The following SH3BGRL2 variants were observed in gnomAD, a reference collection of about 807,000 sequenced individuals.
SH3BGRL2 encodes SH3 domain binding glutamate rich protein like 2.
In SH3BGRL2, 21 loss-of-function variants were observed where a neutral mutation model predicts 14.8. The ratio of observed to expected loss-of-function variants is 1.42; its 90% CI spans 1.01 to 2.05. The LOEUF is 2.05. Ranked by LOEUF, SH3BGRL2 falls within the 30% of genes most tolerant of loss-of-function variation. The probability of loss-of-function intolerance (pLI) is 0.00; values close to 1 mark genes in which losing one functional copy is unlikely to be tolerated. For synonymous variants in SH3BGRL2, 50 were observed against 47.8 expected (o/e 1.05, Z -0.19); for missense variants, 147 against 130.8 (o/e 1.12, Z -0.61).
the SH3BGRL2 span, chr6:79,575,227 C>T: frequency 1.3e-5 from 2 of 152,104 alleles, no homozygotes; most frequent in Admixed American, 6.5e-5. Context: ...GTAGAACTTT[C>T]GAACTTATTC....
At chr6:79,687,254 C>T (rs1417591881) in intron 2 of SH3BGRL2, among the ~76,000 whole-genome samples, 1 of 152,090 alleles carries the variant, frequency 6.6e-6, no homozygotes, top group Non-Finnish European at 1.5e-5. Flanking sequence ...TGTGGTTTCC[C>T]CTGCTGTGTT....
chr6:79,651,123 C>T (rs1769283558), intron 1 of SH3BGRL2, among the ~76,000 whole-genome samples: 1 of 152,072 alleles, frequency 6.6e-6, no homozygotes, highest in African/African-American at 2.4e-5. Context: ...CATTGTGTTG[C>T]AGAGTGGCAT....
At chr6:79,584,705 C>T in the SH3BGRL2 span, among the ~76,000 whole-genome samples, 19 of 152,160 alleles carry the variant, frequency 1.2e-4, no homozygotes, top group South Asian at 4.0e-3. Flanking sequence ...CGGATTGACA[C>T]CAAAATGAAG....
intron 1 of SH3BGRL2, among the ~76,000 whole-genome samples, chr6:79,659,862 G>A (rs1184447199): frequency 3.3e-5 from 5 of 152,088 alleles, no homozygotes. Context: ...CACATCCCTT[G>A]TAAGTTGGAT....
the SH3BGRL2 span, among the ~76,000 whole-genome samples, chr6:79,576,768 G>C: frequency 2.0e-5 from 3 of 152,246 alleles, no homozygotes; most frequent in African/African-American, 7.2e-5. Flanking sequence ...AACCCCAAAT[G>C]TTTCTTTGAT....
At chr6:79,631,715 C>T (rs1768829928) in intron 1 of SH3BGRL2, among the ~76,000 whole-genome samples, 1 of 152,200 alleles carries the variant, frequency 6.6e-6, no homozygotes, top group Non-Finnish European at 1.5e-5. Context: ...CAAATGCCCA[C>T]CCTGCGTGGC....
chr6:79,640,034 A>G (rs1769000498), intron 1 of SH3BGRL2, among the ~76,000 whole-genome samples: 1 of 152,158 alleles, frequency 6.6e-6, no homozygotes, highest in South Asian at 2.1e-4. Flanking sequence ...TTCTAGTTTT[A>G]GCTTAAGAAC....
At chr6:79,622,143 C>A in the SH3BGRL2 span, among the ~76,000 whole-genome samples, 1 of 152,130 alleles carries the variant, frequency 6.6e-6, no homozygotes, top group African/African-American at 2.4e-5. Flanking sequence ...TTGGAAATTT[C>A]TCAGATTTGA....
intron 2 of SH3BGRL2, among the ~76,000 whole-genome samples, chr6:79,686,948 T>C (rs1770109835): frequency 1.3e-5 from 2 of 152,108 alleles, no homozygotes; most frequent in Non-Finnish European, 2.9e-5. Context: ...TCCTTTCCAT[T>C]TTTCCCTTTC....
chr6:79,626,370 C>T (rs1768727240), upstream of SH3BGRL2, among the ~76,000 whole-genome samples: 1 of 152,086 alleles, frequency 6.6e-6, no homozygotes, highest in African/African-American at 2.4e-5. Flanking sequence ...TCCCTGATTC[C>T]CTTTATAACT....
intron 2 of SH3BGRL2, 119 bp downstream of exon 2, chr6:79,673,918 A>T (rs923750024): frequency 9.9e-7 from 1 of 1,012,146 alleles, no homozygotes; most frequent in Admixed American, 2.5e-5. Flanking sequence ...GCCCATTCAG[A>T]TCCACATGTC....
chr6:79,654,160 A>G (rs1255037038), intron 1 of SH3BGRL2, among the ~76,000 whole-genome samples: 1 of 152,220 alleles, frequency 6.6e-6, no homozygotes, highest in African/African-American at 2.4e-5. Flanking sequence ...CTCCAAATCA[A>G]TTGCCACTTA....
At chr6:79,637,657 A>T (rs1582712572) in intron 1 of SH3BGRL2, among the ~76,000 whole-genome samples, 1 of 151,832 alleles carries the variant, frequency 6.6e-6, no homozygotes, top group Non-Finnish European at 1.5e-5. Flanking sequence ...GTGCCATTGC[A>T]CTCCAGCCTG....
chr6:79,606,961 T>C, the SH3BGRL2 span, among the ~76,000 whole-genome samples: 2 of 152,218 alleles, frequency 1.3e-5, no homozygotes, highest in African/African-American at 4.8e-5. Context: ...GCTTCTTTAT[T>C]AGAATAGAAA....
In SH3BGRL2 at chr6:79,699,842, T is replaced by C; in HGVS notation, c.*333T>C. The C allele has an allele frequency of 3.1e-6, 1 of 318,936 alleles. No homozygotes were observed. Among genetic ancestry groups the C allele is most frequent in the Non-Finnish European group, 5.6e-6 (1 of 177,504 alleles). The allele number at this position is 318,936 out of a possible 1,614,324, so 19.8% of individuals were successfully genotyped here. On this transcript the variant is annotated 3_prime_UTR_variant, in exon 4 of 4. Coordinates refer to ENST00000369838, the MANE Select transcript of SH3BGRL2 (RefSeq NM_031469.4). Reference sequence around the variant, plus strand: ...CAGAGAGAAAATGTTGGATCTGCCCTAGGTTATAGTAGATGCCGGAATTGC... The same window carrying C: ...CAGAGAGAAAATGTTGGATCTGCCCCAGGTTATAGTAGATGCCGGAATTGC...
chr6:79,631,179 A>C, upstream of SH3BGRL2: 2 of 349,916 alleles, frequency 5.7e-6, no homozygotes, highest in East Asian at 4.2e-5. Context: ...TCAGGAGGGG[A>C]GCTCAGTCCA....
At chr6:79,609,038 G>GC in the SH3BGRL2 span, among the ~76,000 whole-genome samples, 3 of 152,188 alleles carry the variant, frequency 2.0e-5, no homozygotes, top group Non-Finnish European at 4.4e-5. Flanking sequence ...TTGCCTCACA[G>GC]CAGAACTGGA....
At chr6:79,621,070 T>G in the SH3BGRL2 span, among the ~76,000 whole-genome samples, 1 of 152,122 alleles carries the variant, frequency 6.6e-6, no homozygotes, top group African/African-American at 2.4e-5. Context: ...GCCATGTCTC[T>G]TTTTATTAGT....
At chr6:79,696,419 A>G in intron 2 of SH3BGRL2, 66 bp from the exon 3 acceptor site, 3 of 1,210,214 alleles carry the variant, frequency 2.5e-6, no homozygotes, top group Non-Finnish European at 3.5e-6. Context: ...AATTTGTTCA[A>G]AGTACCAAAT....
Sources: gnomAD v4.1 joint callset for allele counts (sites outside exome capture counted in the v4.1 genomes callset) on GRCh38, gnomAD v4.1.1 for gene constraint, MANE v1.5 for transcripts, NCBI Gene and HGNC (gene_info 2026-07-23, HGNC 2026-07-21) for gene names.